UBE3A: variants seen among roughly 807,000 people sequenced by gnomAD.
UBE3A encodes ubiquitin protein ligase E3A.
UBE3A carries 6 observed loss-of-function variants against 83.4 expected under a neutral mutation model. That is an observed-to-expected ratio of 0.07 (90% CI 0.04 to 0.14). The LOEUF (loss-of-function observed/expected upper bound fraction) is 0.14, where lower values mean the gene tolerates loss of function less well. Among genes scored for constraint, UBE3A ranks in the 10% least tolerant of loss-of-function variants. The pLI, the probability that UBE3A is intolerant of heterozygous loss-of-function variation, is 1.00. For missense variants in UBE3A, 456 were observed against 1,036.1 expected, an observed-to-expected ratio of 0.44 and a Z score of 7.69; for synonymous variants, 337 against 355.4, an observed-to-expected ratio of 0.95 and a Z score of 0.58.
Position 25,411,418 on chromosome 15 carries a change from C to T in UBE3A, c.-101+490G>A, listed in dbSNP as rs947446508. ...TAGCCTGGCCAACACGGTGAAACCCCGTCTCTACTAAAAATACAAAACTTA... is the reference window on the plus strand; with the variant it reads ...TAGCCTGGCCAACACGGTGAAACCCTGTCTCTACTAAAAATACAAAACTTA... On this transcript the variant is annotated intron_variant, in intron 2 of 12. Coordinates refer to ENST00000648336, the MANE Select transcript of UBE3A (RefSeq NM_130839.5). 3.9e-5 allele frequency among the ~76,000 whole-genome samples: 6 copies of T among 152,100 alleles called. 1 individual carries two copies. In the South Asian group the frequency reaches 6.2e-4, roughly 16 times the overall value.
intron 4 of UBE3A, among the ~76,000 whole-genome samples, chr15:25,402,356 A>G (rs2087354644): frequency 6.6e-6 from 1 of 152,218 alleles, no homozygotes; most frequent in Non-Finnish European, 1.5e-5. Context: ...TGGATCTGCA[A>G]GGACCAGTGT....
At position 25,371,167 on chromosome 15, in the gene UBE3A, A is replaced by G. The variant is rs863225071; in HGVS notation, c.1007T>C (p.Met336Thr). 2 of 1,614,172 alleles carry G rather than the reference A, an allele frequency of 1.2e-6. No homozygotes were observed. The highest frequency in any genetic ancestry group is 3.3e-5 in the Admixed American group (2 of 60,024). The stretch of plus-strand genomic sequence containing the variant: ...AATAAGTTGCTGAAATGTCTCCATC[A>G]TTCTCCGAATCTGGTCTGCATTGTA... ...SKYNADQIRR[M>T]METFQQLITY... Residue 336 changes from methionine (M) to threonine (T), a missense_variant, in exon 6 of 13, where the codon ATG becomes ACG. Transcript: ENST00000648336. The surrounding 1 kb of genome is among the most constrained non-coding windows in gnomAD (Gnocchi z 5.3).
At chr15:25,418,477 T>A (rs961554987) in intron 1 of UBE3A, 11 of 152,070 alleles carry the variant, frequency 7.2e-5, no homozygotes, top group Non-Finnish European at 1.5e-4. Context: ...CTCAAAAACA[T>A]TATGTTGAGC....
chr15:25,380,654 C>A (rs771560883), intron 4 of UBE3A, among the ~76,000 whole-genome samples: 1 of 152,038 alleles, frequency 6.6e-6, no homozygotes, highest in African/African-American at 2.4e-5. Flanking sequence ...TGATGAGATC[C>A]CTTAGTAATA....
rs187897112 is a variant in UBE3A at position 25,416,054 on chromosome 15, T to C, written c.-164-4083A>G. 3.0e-4 allele frequency among the ~76,000 whole-genome samples: 46 copies of C among 152,284 alleles called. No homozygotes were observed. In the East Asian group the frequency reaches 8.5e-3, roughly 28 times the overall value. On this transcript the variant is annotated intron_variant, in intron 1 of 12. Transcript: ENST00000648336. ...TAATAATGTTCCTTTCTCTACCAGA[T>C]ATTAAAACATATTAACTTAAATGGA... is the stretch of plus-strand genomic sequence containing the variant.
chr15:25,421,571 AAG>A (rs1889828062), intron 1 of UBE3A, among the ~76,000 whole-genome samples: 1 of 152,194 alleles, frequency 6.6e-6, no homozygotes, highest in Non-Finnish European at 1.5e-5. Flanking sequence ...GTAGGCAATG[AAG>A]AGTTACTGTT....
At position 25,370,852 on chromosome 15, in the gene UBE3A, A is replaced by G. The variant is rs2080199367; in HGVS notation, c.1322T>C (p.Ile441Thr). 2 of 1,614,078 alleles carry G rather than the reference A, an allele frequency of 1.2e-6. No homozygotes were observed. Among genetic ancestry groups the G allele is most frequent in the Non-Finnish European group, 1.7e-6 (2 of 1,179,984 alleles). The change falls in exon 6 of 13, where the codon ATC (isoleucine) becomes ACC (threonine). Residue 441 changes from isoleucine to threonine, a missense_variant. By Grantham distance (89) the Ile-to-Thr change is moderately conservative (BLOSUM62 -1). Transcript: ENST00000648336. The surrounding 1 kb of genome is among the most constrained non-coding windows in gnomAD (Gnocchi z 4.2). ...TTCATTAATAAACTCTTCAAAAGGG[A>G]TAAGTGGTTTTCGACAATCCAGGGT... is the stretch of plus-strand genomic sequence containing the variant. ...VKTLDCRKPL[I>T]PFEEFINEPL...
intron 4 of UBE3A, among the ~76,000 whole-genome samples, chr15:25,389,850 T>C (rs1404847865): frequency 6.6e-6 from 1 of 152,174 alleles, no homozygotes; most frequent in Non-Finnish European, 1.5e-5. Context: ...ACTGTGCCAC[T>C]GTACTGCAAC....
rs767330376 is a variant in UBE3A at position 25,375,445 on chromosome 15, T to A, written c.361+20A>T. 6.2e-7 allele frequency: 1 copy of A among 1,612,500 alleles called. No homozygotes were observed. The highest frequency in any genetic ancestry group is 8.5e-7 in the Non-Finnish European group (1 of 1,179,298). Reference sequence around the variant, plus strand: ...ATGGTTTTCAGGCAACAATTCTCAATTGAAAATAAAACATCTTACCTTTAA... The same window carrying A: ...ATGGTTTTCAGGCAACAATTCTCAAATGAAAATAAAACATCTTACCTTTAA... On this transcript the variant is annotated intron_variant, in intron 5 of 12. Transcript: ENST00000648336.
At chr15:25,361,064 C>G (rs2077991626) in intron 6 of UBE3A, among the ~76,000 whole-genome samples, 1 of 151,744 alleles carries the variant, frequency 6.6e-6, no homozygotes. Context: ...TGGACTAGAA[C>G]CCATCTTATA....
At chr15:25,402,358 G>A (rs976748217) in intron 4 of UBE3A, among the ~76,000 whole-genome samples, 1 of 152,342 alleles carries the variant, frequency 6.6e-6, no homozygotes, top group Non-Finnish European at 1.5e-5. Flanking sequence ...GATCTGCAAG[G>A]ACCAGTGTGA....
chr15:25,424,795 A>C (rs1890846073), intron 1 of UBE3A, among the ~76,000 whole-genome samples: 1 of 152,220 alleles, frequency 6.6e-6, no homozygotes, highest in Non-Finnish European at 1.5e-5. Context: ...AATTCTTAGA[A>C]ATAAATTTTT....
chr15:25,375,366 C>G (rs1339739326), intron 5 of UBE3A, 99 bp downstream of exon 5: 2 of 1,416,798 alleles, frequency 1.4e-6, no homozygotes, highest in African/African-American at 2.9e-5. Flanking sequence ...ATCAAAATGT[C>G]TTTATGTCAC....
intron 4 of UBE3A, among the ~76,000 whole-genome samples, chr15:25,394,947 A>C (rs1327166116): frequency 6.6e-6 from 1 of 152,220 alleles, no homozygotes. Context: ...CAAGAAGTCA[A>C]ATGACATTAA....
chr15:25,409,066 C>T (rs1230276324), intron 3 of UBE3A, 22 bp downstream of exon 3: 1 of 1,580,206 alleles, frequency 6.3e-7, no homozygotes. Context: ...CTTTTAAAGG[C>T]TGTAAAATAA....
At chr15:25,385,841 C>T (rs2083026968) in intron 4 of UBE3A, among the ~76,000 whole-genome samples, 1 of 152,012 alleles carries the variant, frequency 6.6e-6, no homozygotes, top group Non-Finnish European at 1.5e-5. Context: ...CTAAAAACTC[C>T]AGAGTTACCC....
intron 4 of UBE3A, among the ~76,000 whole-genome samples, chr15:25,379,116 C>T (rs1258039395): frequency 4.6e-5 from 7 of 152,138 alleles, no homozygotes; most frequent in African/African-American, 1.2e-4. Context: ...GTAGTATCTA[C>T]GAGCATTATC....
At chr15:25,432,508 T>C (rs1163229857) in intron 1 of UBE3A, among the ~76,000 whole-genome samples, 5 of 152,202 alleles carry the variant, frequency 3.3e-5, no homozygotes, top group Non-Finnish European at 7.4e-5. Flanking sequence ...GTGCTTGTCT[T>C]AAATATGAAA....
chr15:25,377,808 G>A (rs2081462519), intron 4 of UBE3A, among the ~76,000 whole-genome samples: 1 of 151,970 alleles, frequency 6.6e-6, no homozygotes, highest in African/African-American at 2.4e-5. Context: ...ACTGATAATA[G>A]GTCACACAAT....
Sources: gnomAD v4.1 joint callset for allele counts (sites outside exome capture counted in the v4.1 genomes callset) on GRCh38, gnomAD v4.1.1 for gene constraint, Gnocchi (gnomAD v3.1) non-coding constraint, MANE v1.5 for transcripts, NCBI Gene and HGNC (gene_info 2026-07-23, HGNC 2026-07-21) for gene names.